ANXA5: variants seen among roughly 807,000 people sequenced by gnomAD.
The protein encoded by ANXA5 is annexin A5, also known as CBP-I.
A neutral mutation model predicts 48.1 loss-of-function variants in ANXA5; 40 were observed. That is an observed-to-expected ratio of 0.83 (90% CI 0.65 to 1.08). The LOEUF (loss-of-function observed/expected upper bound fraction) is 1.08. ANXA5 is among the 50% of genes least tolerant of loss of function. ANXA5 has a pLI of 0.00. For missense variants in ANXA5, 357 were observed against 376.8 expected (o/e 0.95, Z 0.44); for synonymous variants, 113 against 129.1 (o/e 0.88, Z 0.85).
intron 8 of ANXA5, among the ~76,000 whole-genome samples, chr4:121,674,212 C>T (rs1178439267): frequency 6.6e-5 from 4 of 60,304 alleles, no homozygotes; most frequent in African/African-American, 1.3e-4. Flanking sequence ...GGGAGAGGGG[C>T]GGAAAGGAGA....
chr4:121,672,474 G>A (rs1724628665), intron 9 of ANXA5, 59 bp downstream of exon 9: 3 of 1,186,096 alleles, frequency 2.5e-6, no homozygotes, highest in South Asian at 1.3e-5. Flanking sequence ...TGTCACACTG[G>A]CTCATGCACT....
chr4:121,689,629 G>T (rs1328360968), intron 2 of ANXA5, among the ~76,000 whole-genome samples: 2 of 152,168 alleles, frequency 1.3e-5, no homozygotes, highest in Non-Finnish European at 2.9e-5. Context: ...AAGCAGTAAG[G>T]TTGAAACAAA....
intron 8 of ANXA5, among the ~76,000 whole-genome samples, chr4:121,673,076 C>T (rs2110480010): frequency 1.3e-5 from 2 of 152,294 alleles, no homozygotes; most frequent in East Asian, 3.9e-4. Flanking sequence ...AAGTACACTT[C>T]ATATTTTCTC....
intron 2 of ANXA5, among the ~76,000 whole-genome samples, chr4:121,691,171 TTATAA>T (rs33973673): frequency 0.44 from 66,087 of 151,618 alleles, 15,863 homozygotes; most frequent in East Asian, 0.73. Flanking sequence ...ACGAAGATAA[TTATAA>T]TATATTCTTA....
intron 2 of ANXA5, among the ~76,000 whole-genome samples, chr4:121,687,257 G>GCCA (rs1478356868): frequency 6.8e-6 from 1 of 146,308 alleles, no homozygotes; most frequent in Non-Finnish European, 1.5e-5. Context: ...CCAAGATCGC[G>GCCA]CCACTGCACT....
In ANXA5 at chr4:121,689,275, G is replaced by C. The variant is rs146390809; in HGVS notation, c.10-2903C>G. On this transcript the variant is annotated intron_variant, in intron 2 of 12. Transcript: ENST00000296511. The stretch of plus-strand genomic sequence containing the variant: ...CAAGTTTTCTTAATGTGAGAACTTA[G>C]GACTGAATGCCCCTTGCAGTCCATC... 4.8e-3 allele frequency among the ~76,000 whole-genome samples: 735 copies of C among 152,242 alleles called. 9 individuals are homozygous for C. Among genetic ancestry groups the C allele is most frequent in the African/African-American group, 0.016 (655 of 41,548 alleles).
At chr4:121,678,040 C>A in intron 7 of ANXA5, 90 bp from the exon 8 acceptor site, 1 of 953,872 alleles carries the variant, frequency 1.0e-6, no homozygotes. Flanking sequence ...TTCAATAACA[C>A]TCTTTCTCTA....
intron 2 of ANXA5, among the ~76,000 whole-genome samples, chr4:121,687,310 A>G (rs900696687): frequency 3.3e-5 from 5 of 152,016 alleles, no homozygotes; most frequent in Non-Finnish European, 7.4e-5. Flanking sequence ...ACAAAAAAAA[A>G]AAAAAAAAAG....
At chr4:121,671,789 G>A (rs1724617172) in intron 9 of ANXA5, 147 bp from the exon 10 acceptor site, 1 of 625,978 alleles carries the variant, frequency 1.6e-6, no homozygotes, top group Non-Finnish European at 2.8e-6. Context: ...GCCTCAATGT[G>A]CCAAGCCCTA....
intron 8 of ANXA5, among the ~76,000 whole-genome samples, chr4:121,676,847 A>G (rs985178772): frequency 1.3e-5 from 2 of 152,124 alleles, no homozygotes; most frequent in African/African-American, 4.8e-5. Flanking sequence ...CAGATAACAA[A>G]GGGGCTTGTA....
intron 2 of ANXA5, among the ~76,000 whole-genome samples, chr4:121,695,660 C>CT (rs1725066379): frequency 1.3e-5 from 2 of 152,040 alleles, no homozygotes; most frequent in South Asian, 4.2e-4. Flanking sequence ...GGATTACAGT[C>CT]CTGAGGCCGA....
At position 121,681,656 on chromosome 4, in the gene ANXA5, C is replaced by A. The variant is rs771002510; in HGVS notation, c.394+15G>T. On this transcript the variant is annotated intron_variant, in intron 6 of 12. Transcript: ENST00000296511. ...TAGTGGAGGTGAAGTCAAAATATAA[C>A]TCACAAACATTTACCTTCTTCATAA... 3.2e-6 allele frequency: 5 copies of A among 1,581,910 alleles called. No individual in the cohort carries two copies. The East Asian group carries it at 1.1e-4, about 36-fold the overall frequency.
chr4:121,683,055 A>G (rs1436774529), intron 5 of ANXA5, among the ~76,000 whole-genome samples: 1 of 152,156 alleles, frequency 6.6e-6, no homozygotes, highest in Non-Finnish European at 1.5e-5. Flanking sequence ...AAAATAGCTC[A>G]TCTGTAATAT....
chr4:121,692,774 G>A (rs992297000), intron 2 of ANXA5, among the ~76,000 whole-genome samples: 4 of 152,160 alleles, frequency 2.6e-5, no homozygotes, highest in Non-Finnish European at 5.9e-5. Context: ...TGTGTTATGA[G>A]GACTAAATAA....
At chr4:121,688,389 C>G (rs907238942) in intron 2 of ANXA5, among the ~76,000 whole-genome samples, 2 of 152,088 alleles carry the variant, frequency 1.3e-5, no homozygotes, top group African/African-American at 4.8e-5. Context: ...AGCACGAGTC[C>G]CCCTAACTTG....
At chr4:121,686,256 C>T (rs780770743) in intron 3 of ANXA5, 32 bp downstream of exon 3, 1 of 1,502,638 alleles carries the variant, frequency 6.7e-7, no homozygotes, top group Admixed American at 1.7e-5. Context: ...ACAAATATCA[C>T]ATTTGCTTTA....
intron 2 of ANXA5, among the ~76,000 whole-genome samples, chr4:121,695,806 A>T (rs1394347175): frequency 6.6e-6 from 1 of 151,966 alleles, no homozygotes; most frequent in Admixed American, 6.6e-5. Context: ...AAGCTGAGAC[A>T]CGAGAATTGC....
At chr4:121,696,700 ACCCGGCGGCGCTCAGACAG>A in intron 1 of ANXA5, 76 bp from the exon 2 acceptor site, 1 of 1,054,188 alleles carries the variant, frequency 9.5e-7, no homozygotes. Flanking sequence ...GTCCGCGGGG[ACCCGGCGGCGCTCAGACAG>A]CCCGGAGGGC....
At chr4:121,694,106 G>C (rs1560590859) in intron 2 of ANXA5, among the ~76,000 whole-genome samples, 47 of 44,552 alleles carry the variant, frequency 1.1e-3, no homozygotes, top group African/African-American at 5.8e-3. Flanking sequence ...TGTGGGCGGG[G>C]GGGAGGGGGG....
Sources: gnomAD v4.1 joint callset for allele counts (sites outside exome capture counted in the v4.1 genomes callset) on GRCh38, gnomAD v4.1.1 for gene constraint, MANE v1.5 for transcripts, NCBI Gene and HGNC (gene_info 2026-07-23, HGNC 2026-07-21) for gene names.